The following TOX variants were observed in gnomAD, a reference collection of about 807,000 sequenced individuals.
TOX encodes the protein thymocyte selection-associated high mobility group box protein TOX.
In TOX, 11 loss-of-function variants were observed where a neutral mutation model predicts 53.7. The observed-to-expected ratio is 0.20, with a 90% CI of 0.13 to 0.34. The LOEUF (loss-of-function observed/expected upper bound fraction) is 0.34, where lower values mean the gene tolerates loss of function less well. Among genes scored for constraint, TOX ranks in the 10% least tolerant of loss-of-function variants. TOX has a pLI of 1.00. For missense variants in TOX, 570 were observed against 664.6 expected (o/e 0.86, Z 1.56); for synonymous variants, 225 against 245.3 (o/e 0.92, Z 0.77).
intron 6 of TOX, among the ~76,000 whole-genome samples, chr8:58,816,181 A>G (rs1810174772): frequency 6.6e-6 from 1 of 152,196 alleles, no homozygotes; most frequent in Non-Finnish European, 1.5e-5. Context: ...CTTGGCCTAG[A>G]TATTTGCACA....
At position 58,974,758 on chromosome 8, in the gene TOX, A is replaced by G. The variant is rs186649886; in HGVS notation, c.103-14750T>C. Among the ~76,000 whole-genome samples the G allele has an allele frequency of 3.2e-3, 488 of 152,312 alleles. 1 individual carries two copies. Among genetic ancestry groups the G allele is most frequent in the African/African-American group, 7.1e-3 (295 of 41,586 alleles). Reference sequence around the variant, plus strand: ...AAACCTAAAAGCTCTAAGAAAAATTACCGATTTGTTAGTTAGGATTCTATT... The same window carrying G: ...AAACCTAAAAGCTCTAAGAAAAATTGCCGATTTGTTAGTTAGGATTCTATT... On this transcript the variant is annotated intron_variant, in intron 1 of 8. Transcript: ENST00000361421.
chr8:58,836,721 C>A (rs554109660), intron 5 of TOX, among the ~76,000 whole-genome samples: 2 of 152,262 alleles, frequency 1.3e-5, no homozygotes, highest in African/African-American at 4.8e-5. Flanking sequence ...TTATCCCCAT[C>A]ATTAATTTCA....
chr8:59,084,909 T>C (rs1380039897), intron 1 of TOX, among the ~76,000 whole-genome samples: 1 of 152,190 alleles, frequency 6.6e-6, no homozygotes, highest in East Asian at 1.9e-4. Context: ...TAAAATACAA[T>C]TTTCCAAGTG....
At chr8:58,952,112 T>C (rs1812631468) in intron 2 of TOX, among the ~76,000 whole-genome samples, 1 of 152,146 alleles carries the variant, frequency 6.6e-6, no homozygotes, top group African/African-American at 2.4e-5. Context: ...GTGTTTGAAG[T>C]GGCAGGTGAG....
chr8:59,110,679 A>G (rs1487470037), intron 1 of TOX, among the ~76,000 whole-genome samples: 1 of 151,928 alleles, frequency 6.6e-6, no homozygotes, highest in Non-Finnish European at 1.5e-5. Flanking sequence ...AGCCCTCATA[A>G]TAGCATCTCT....
At chr8:58,820,858 G>C (rs1810263058) in intron 6 of TOX, among the ~76,000 whole-genome samples, 1 of 152,096 alleles carries the variant, frequency 6.6e-6, no homozygotes, top group African/African-American at 2.4e-5. Context: ...ATAAATTCTG[G>C]TCTATGTGGT....
intron 1 of TOX, among the ~76,000 whole-genome samples, chr8:59,068,419 G>GA (rs138707929): frequency 0.065 from 9,261 of 143,116 alleles, 964 homozygotes; most frequent in African/African-American, 0.22. Context: ...AGAAGAAGAG[G>GA]AAAAAAAGAG....
chr8:58,913,855 C>A (rs1165013113), intron 3 of TOX, among the ~76,000 whole-genome samples: 1 of 151,876 alleles, frequency 6.6e-6, no homozygotes, highest in Non-Finnish European at 1.5e-5. Flanking sequence ...CATTAAAATT[C>A]AAAAATCACT....
chr8:58,975,271 C>CACAG (rs1197377211), intron 1 of TOX, among the ~76,000 whole-genome samples: 1 of 149,020 alleles, frequency 6.7e-6, no homozygotes, highest in African/African-American at 2.5e-5. Flanking sequence ...CACCCCCACA[C>CACAG]AGAGAGAGAG....
At chr8:59,033,804 C>T (rs568713026) in intron 1 of TOX, among the ~76,000 whole-genome samples, 2 of 152,278 alleles carry the variant, frequency 1.3e-5, no homozygotes, top group South Asian at 2.1e-4. Context: ...CACAGCCTAA[C>T]CTCTTGAGTG....
At chr8:59,020,208 A>G (rs1814096378) in intron 1 of TOX, among the ~76,000 whole-genome samples, 2 of 152,224 alleles carry the variant, frequency 1.3e-5, no homozygotes, top group South Asian at 4.1e-4. Context: ...TCAAGTATTT[A>G]CAGGAAAGGA....
chr8:58,864,102 AATG>A (rs1222267986), intron 3 of TOX, among the ~76,000 whole-genome samples: 1 of 152,196 alleles, frequency 6.6e-6, no homozygotes, highest in Non-Finnish European at 1.5e-5. Flanking sequence ...TCATAAAAGT[AATG>A]ATATGTCTAA....
chr8:58,923,931 A>G (rs1377070182), intron 3 of TOX, among the ~76,000 whole-genome samples: 1 of 152,216 alleles, frequency 6.6e-6, no homozygotes, highest in Non-Finnish European at 1.5e-5. Context: ...TCCTGTGTGC[A>G]TGAATGCATA....
intron 1 of TOX, among the ~76,000 whole-genome samples, chr8:59,048,279 A>G (rs1175282509): frequency 6.6e-6 from 1 of 152,184 alleles, no homozygotes; most frequent in Non-Finnish European, 1.5e-5. Context: ...TGTAGCAATA[A>G]CCAGGAAGCT....
chr8:59,035,436 G>A (rs890685647), intron 1 of TOX, among the ~76,000 whole-genome samples: 2 of 152,128 alleles, frequency 1.3e-5, no homozygotes, highest in Non-Finnish European at 2.9e-5. Flanking sequence ...AGTCACAGAG[G>A]CAATCACAGC....
chr8:59,088,285 A>G (rs1176551699), intron 1 of TOX, among the ~76,000 whole-genome samples: 1 of 152,216 alleles, frequency 6.6e-6, no homozygotes, highest in Non-Finnish European at 1.5e-5. Context: ...TCAGCTCACT[A>G]TCTCAATCAA....
chr8:58,979,207 C>T (rs1484129297), intron 1 of TOX, among the ~76,000 whole-genome samples: 1 of 152,222 alleles, frequency 6.6e-6, no homozygotes, highest in Non-Finnish European at 1.5e-5. Context: ...AATTATACTT[C>T]TTGTGCTGTT....
intron 3 of TOX, among the ~76,000 whole-genome samples, chr8:58,871,172 C>CAAAAAAAAAAA (rs36036067): frequency 1.4e-5 from 1 of 70,456 alleles, no homozygotes. Context: ...AGAAGCCAGT[C>CAAAAAAAAAAA]AAAAAAAAAA....
At chr8:59,102,480 G>A (rs954337563) in intron 1 of TOX, among the ~76,000 whole-genome samples, 6 of 151,920 alleles carry the variant, frequency 3.9e-5, no homozygotes, top group African/African-American at 1.2e-4. Context: ...CACCTTCCTC[G>A]GCCTCCCAAA....
Sources: allele counts gnomAD v4.1 joint callset (sites outside exome capture counted in the v4.1 genomes callset), GRCh38; gene constraint gnomAD v4.1.1; transcripts MANE v1.5; gene names NCBI Gene and HGNC (gene_info 2026-07-23, HGNC 2026-07-21).